Variants in PTK7 observed in about 807,000 individuals in gnomAD.
PTK7 encodes inactive tyrosine-protein kinase 7.
In PTK7, 39 loss-of-function variants were observed where a neutral mutation model predicts 116.6. That is an observed-to-expected ratio of 0.33 (90% CI 0.26 to 0.44). The LOEUF is 0.44. Among genes scored for constraint, PTK7 ranks in the 20% least tolerant of loss-of-function variants. PTK7 has a pLI of 1.00. For missense variants in PTK7, 1,169 were observed against 1,425.6 expected (o/e 0.82, Z 2.90); for synonymous variants, 546 against 563.6 (o/e 0.97, Z 0.44).
At chr6:43,152,668 A>G (rs1449217410) in intron 17 of PTK7, among the ~76,000 whole-genome samples, 1 of 152,258 alleles carries the variant, frequency 6.6e-6, no homozygotes, top group African/African-American at 2.4e-5. Context: ...AGTTGTCACT[A>G]GCTTCATATA....
In PTK7 at chr6:43,097,136, G is replaced by A. The variant is rs140538973; in HGVS notation, c.79+20569G>A. On this transcript the variant is annotated intron_variant, in intron 1 of 19. Transcript: ENST00000230419. ...TTCATTATTTAGCCTCCTCCTGCGC[G>A]GTTGCTTGCATTTCTTCCTCTCCAG... 5.1e-4 allele frequency among the ~76,000 whole-genome samples: 77 copies of A among 152,324 alleles called. 1 individual carries two copies. The East Asian group carries it at 7.1e-3, about 14-fold the overall frequency.
chr6:43,127,845 C>T lies in PTK7; in HGVS notation c.80-1132C>T, dbSNP rs1337107022. Reference sequence around the variant, plus strand: ...TCGGGAGGCTGAGGCAGGAGAATGGCGTGAACCCAGGAGGCAGAGCTTGCA... The same window carrying T: ...TCGGGAGGCTGAGGCAGGAGAATGGTGTGAACCCAGGAGGCAGAGCTTGCA... On this transcript the variant is annotated intron_variant, in intron 1 of 19. Coordinates refer to ENST00000230419, the MANE Select transcript of PTK7 (RefSeq NM_002821.5). Among the ~76,000 whole-genome samples the T allele has an allele frequency of 3.9e-5, 6 of 151,930 alleles. No homozygotes were observed. The East Asian group carries it at 7.8e-4, about 20-fold the overall frequency.
At chr6:43,152,458 G>A (rs569660031) in intron 17 of PTK7, among the ~76,000 whole-genome samples, 12 of 152,334 alleles carry the variant, frequency 7.9e-5, no homozygotes, top group African/African-American at 2.9e-4. Flanking sequence ...GAACTTGGGA[G>A]GCGGAGGTTG....
intron 7 of PTK7, among the ~76,000 whole-genome samples, chr6:43,134,688 G>A (rs1355429110): frequency 6.6e-6 from 1 of 151,900 alleles, no homozygotes; most frequent in Non-Finnish European, 1.5e-5. Context: ...GCTGGGGCAG[G>A]AGAATTGCTT....
At chr6:43,138,377 A>G (rs1235733234) in intron 7 of PTK7, among the ~76,000 whole-genome samples, 1 of 152,146 alleles carries the variant, frequency 6.6e-6, no homozygotes, top group East Asian at 1.9e-4. Flanking sequence ...AACTAAGATA[A>G]TGTTCAAAAG....
intron 1 of PTK7, among the ~76,000 whole-genome samples, chr6:43,118,648 T>C (rs1768722134): frequency 1.2e-5 from 1 of 86,338 alleles, no homozygotes; most frequent in Non-Finnish European, 2.2e-5. Flanking sequence ...TCTCTCTCTC[T>C]CTCTCTCTCT....
intron 17 of PTK7, among the ~76,000 whole-genome samples, chr6:43,149,077 A>G (rs757393362): frequency 8.1e-4 from 116 of 143,662 alleles, no homozygotes; most frequent in Non-Finnish European, 1.3e-3. Context: ...AAAAAAAAAA[A>G]AAAAGAAATG....
At chr6:43,099,514 G>T (rs1267769679) in intron 1 of PTK7, among the ~76,000 whole-genome samples, 1 of 151,970 alleles carries the variant, frequency 6.6e-6, no homozygotes, top group Non-Finnish European at 1.5e-5. Context: ...GAGCCACTGC[G>T]CCTGGCCCAC....
intron 1 of PTK7, among the ~76,000 whole-genome samples, chr6:43,102,095 C>G (rs1348563870): frequency 6.6e-6 from 1 of 151,862 alleles, no homozygotes; most frequent in African/African-American, 2.4e-5. Flanking sequence ...GTGCTTGCCT[C>G]CAACTCTGGA....
chr6:43,076,500 G>A lies in PTK7; in HGVS notation c.12G>A (p.Ala4=). The A allele has an allele frequency of 1.3e-6, 2 of 1,570,088 alleles. No homozygotes were observed. Among genetic ancestry groups the A allele is most frequent in the Non-Finnish European group, 1.7e-6 (2 of 1,163,358 alleles). The change falls in exon 1 of 20, where the codon GCG becomes GCA. Residue 4 remains alanine, a synonymous_variant. Coordinates refer to ENST00000230419, the MANE Select transcript of PTK7 (RefSeq NM_002821.5). This position sits in a 1 kb window ranked among gnomAD's most constrained non-coding sequence, Gnocchi z 5.7. The part of the protein sequence containing the change: MGA[A]RGSPARPRRL... ...CTGAGCCCGCCGCGATGGGAGCTGC[G>A]CGGGGATCCCCGGCCAGACCCCGCC...
Position 43,139,362 on chromosome 6 carries a change from C to T in PTK7, c.1499-44C>T, listed in dbSNP as rs373305442. ...GCAGGCCTGGCCACGGCCTCTCCAG[C>T]GGCCCCAATTCCTCGTCTTTCTACC... On this transcript the variant is annotated intron_variant, in intron 9 of 19. Transcript: ENST00000230419. The surrounding 1 kb of genome is among the most constrained non-coding windows in gnomAD (Gnocchi z 4.6). 5.5e-5 allele frequency: 89 copies of T among 1,613,760 alleles called. No homozygotes were observed. Among genetic ancestry groups the T allele is most frequent in the Non-Finnish European group, 6.8e-5 (80 of 1,179,794 alleles).
At chr6:43,083,633 A>G (rs542925684) in intron 1 of PTK7, among the ~76,000 whole-genome samples, 1 of 152,258 alleles carries the variant, frequency 6.6e-6, no homozygotes, top group Non-Finnish European at 1.5e-5. Context: ...CTTGGTTCGA[A>G]GGGCTGACAC....
At chr6:43,123,854 G>T (rs1297577671) in intron 1 of PTK7, among the ~76,000 whole-genome samples, 1 of 152,184 alleles carries the variant, frequency 6.6e-6, no homozygotes, top group African/African-American at 2.4e-5. Flanking sequence ...GTTTTGTGCC[G>T]TGTGTGGGCT....
intron 18 of PTK7, 54 bp downstream of exon 18, chr6:43,159,022 G>T: frequency 6.2e-7 from 1 of 1,601,200 alleles, no homozygotes; most frequent in East Asian, 2.2e-5. Flanking sequence ...GAGGGTGAGG[G>T]GCAGAGGACA....
At position 43,161,065 on chromosome 6, in the gene PTK7, G is replaced by A; in HGVS notation, c.*184G>A. 2 of 916,290 alleles carry A rather than the reference G, an allele frequency of 2.2e-6. No homozygotes were observed. Among genetic ancestry groups the A allele is most frequent in the Non-Finnish European group, 3.1e-6 (2 of 635,160 alleles). 56.8% of individuals were successfully genotyped at this position (916,290 alleles called of 1,614,324 possible). On this transcript the variant is annotated 3_prime_UTR_variant, in exon 20 of 20. Coordinates refer to ENST00000230419, the MANE Select transcript of PTK7 (RefSeq NM_002821.5). ...CTTCCTCACCCTCATCCTTTGGGAG[G>A]CTGACTTGGACCCAAACTGGGCGAC...
At chr6:43,122,108 C>T (rs1345058808) in intron 1 of PTK7, among the ~76,000 whole-genome samples, 3 of 152,128 alleles carry the variant, frequency 2.0e-5, no homozygotes, top group Non-Finnish European at 4.4e-5. Flanking sequence ...CATCACTGCA[C>T]TTCAGTGTGG....
At chr6:43,153,281 T>G (rs984784832) in intron 17 of PTK7, among the ~76,000 whole-genome samples, 1 of 151,644 alleles carries the variant, frequency 6.6e-6, no homozygotes, top group African/African-American at 2.4e-5. Flanking sequence ...TGGCTAATTT[T>G]TTTGTATTTT....
At chr6:43,083,623 C>G (rs574049115) in intron 1 of PTK7, among the ~76,000 whole-genome samples, 3 of 152,256 alleles carry the variant, frequency 2.0e-5, no homozygotes, top group Non-Finnish European at 2.9e-5. Flanking sequence ...AGGGAGGAAG[C>G]TTGGTTCGAA....
At chr6:43,148,376 T>TG (rs752183407) in intron 17 of PTK7, among the ~76,000 whole-genome samples, 4 of 152,192 alleles carry the variant, frequency 2.6e-5, no homozygotes, top group Non-Finnish European at 4.4e-5. Context: ...AGAAAGCAAG[T>TG]GGGAGGCATT....
Sources: gnomAD v4.1 joint callset for allele counts (sites outside exome capture counted in the v4.1 genomes callset) on GRCh38, gnomAD v4.1.1 for gene constraint, Gnocchi (gnomAD v3.1) non-coding constraint, MANE v1.5 for transcripts, NCBI Gene and HGNC (gene_info 2026-07-23, HGNC 2026-07-21) for gene names.